The following STK32B variants were observed in gnomAD, a reference collection of about 807,000 sequenced individuals.
The protein encoded by STK32B is serine/threonine kinase 32B.
A neutral mutation model predicts 52.6 loss-of-function variants in STK32B; 43 were observed. That is an observed-to-expected ratio of 0.82 (90% CI 0.64 to 1.05). The LOEUF (loss-of-function observed/expected upper bound fraction) is 1.05. Ranked by LOEUF, STK32B falls within the 50% of genes least tolerant of loss-of-function variation. STK32B has a pLI of 0.00. For missense variants in STK32B, 621 were observed against 534.6 expected, an observed-to-expected ratio of 1.16 and a Z score of -1.59; for synonymous variants, 238 against 204.3, an observed-to-expected ratio of 1.17 and a Z score of -1.41.
In STK32B at chr4:5,378,191, G is replaced by A. The variant is rs956106152; in HGVS notation, c.435-20016G>A. Among the ~76,000 whole-genome samples, 4 of 152,250 alleles carry A rather than the reference G, an allele frequency of 2.6e-5. No homozygotes were observed. The highest frequency in any genetic ancestry group is 7.2e-5 in the African/African-American group (3 of 41,546). ...GTTCATTCATGTCCAGTCCAGTAGC[G>A]CCCACTGGTGACAGCAGGCACTTTA... On this transcript the variant is annotated intron_variant, in intron 4 of 11. Transcript: ENST00000282908. The surrounding 1 kb of genome is among the most constrained non-coding windows in gnomAD (Gnocchi z 4.4).
At chr4:5,114,340 C>G (rs138748601) in intron 1 of STK32B, among the ~76,000 whole-genome samples, 3 of 151,996 alleles carry the variant, frequency 2.0e-5, no homozygotes, top group Non-Finnish European at 4.4e-5. Context: ...TTCAAAGGAA[C>G]CTTCCTGGAC....
chr4:5,099,892 G>T (rs985106576), intron 1 of STK32B, among the ~76,000 whole-genome samples: 9 of 152,070 alleles, frequency 5.9e-5, no homozygotes, highest in African/African-American at 2.2e-4. Context: ...TGTCCTGCAG[G>T]AACCTGAGCC....
chr4:5,261,747 T>G (rs2108845436), intron 3 of STK32B, among the ~76,000 whole-genome samples: 1 of 152,286 alleles, frequency 6.6e-6, no homozygotes. Flanking sequence ...TTATTATTAT[T>G]GTTATTATTA....
intron 2 of STK32B, among the ~76,000 whole-genome samples, chr4:5,145,286 A>T (rs993916111): frequency 6.6e-6 from 1 of 152,224 alleles, no homozygotes; most frequent in Non-Finnish European, 1.5e-5. Context: ...GATGCATTTT[A>T]TAGCAAATTG....
At chr4:5,159,918 C>T (rs1014333469) in intron 2 of STK32B, among the ~76,000 whole-genome samples, 2 of 151,804 alleles carry the variant, frequency 1.3e-5, no homozygotes, top group African/African-American at 2.4e-5. Flanking sequence ...AGCTGAGCTG[C>T]AGATCAAGTC....
chr4:5,020,854 A>T, the STK32B span, among the ~76,000 whole-genome samples: 3 of 152,228 alleles, frequency 2.0e-5, no homozygotes, highest in Non-Finnish European at 2.9e-5. Context: ...GAATGGGGTT[A>T]TTCCCAATTC....
At chr4:5,451,647 G>A (rs1483832484) in intron 7 of STK32B, among the ~76,000 whole-genome samples, 1 of 152,134 alleles carries the variant, frequency 6.6e-6, no homozygotes, top group Non-Finnish European at 1.5e-5. Flanking sequence ...GACATTTGAG[G>A]CCAGATGATT....
chr4:5,448,175 C>G (rs1025809687), intron 7 of STK32B, among the ~76,000 whole-genome samples: 1 of 152,158 alleles, frequency 6.6e-6, no homozygotes, highest in Admixed American at 6.5e-5. Flanking sequence ...AGTTATTTCC[C>G]CTGAATTCCT....
intron 3 of STK32B, among the ~76,000 whole-genome samples, chr4:5,308,576 T>C (rs6446351): frequency 0.13 from 19,484 of 152,216 alleles, 2,707 homozygotes; most frequent in African/African-American, 0.35. Flanking sequence ...GTTAGCGTCA[T>C]TCATTTAGTC....
At chr4:5,468,282 C>G (rs1717597374) in intron 11 of STK32B, among the ~76,000 whole-genome samples, 1 of 152,198 alleles carries the variant, frequency 6.6e-6, no homozygotes, top group Non-Finnish European at 1.5e-5. Context: ...GTGGCCTGAG[C>G]CAGTCTCTGG....
intron 1 of STK32B, among the ~76,000 whole-genome samples, chr4:5,090,729 A>C (rs4444766): frequency 6.6e-6 from 1 of 152,080 alleles, no homozygotes; most frequent in Non-Finnish European, 1.5e-5. Context: ...AATTTTCTGC[A>C]TATGGCTAGC....
At chr4:5,339,585 A>G (rs926610032) in intron 4 of STK32B, among the ~76,000 whole-genome samples, 2 of 152,194 alleles carry the variant, frequency 1.3e-5, no homozygotes, top group African/African-American at 2.4e-5. Context: ...GACACTTTCA[A>G]TGCCGTATTT....
intron 1 of STK32B, among the ~76,000 whole-genome samples, chr4:5,077,709 G>C (rs12501514): frequency 0.19 from 29,282 of 151,960 alleles, 3,360 homozygotes; most frequent in East Asian, 0.46. Context: ...GCAATCCATA[G>C]CAAAGAGGCT....
chr4:5,149,584 T>C lies in STK32B; in HGVS notation c.108+9624T>C, dbSNP rs75231987. On this transcript the variant is annotated intron_variant, in intron 2 of 11. Transcript: ENST00000282908. ...TGCTGAGGGTTGATATTTTACACTTTACATAAAATGTGAAAACCTTACAAC... is the reference window on the plus strand; with the variant it reads ...TGCTGAGGGTTGATATTTTACACTTCACATAAAATGTGAAAACCTTACAAC... Among the ~76,000 whole-genome samples, 717 of 152,040 alleles carry C rather than the reference T, an allele frequency of 4.7e-3. 11 individuals carry two copies. The highest frequency in any genetic ancestry group is 0.016 in the African/African-American group (679 of 41,568).
intron 11 of STK32B, among the ~76,000 whole-genome samples, chr4:5,498,686 AATT>A (rs1201774916): frequency 1.3e-5 from 2 of 152,220 alleles, no homozygotes; most frequent in African/African-American, 4.8e-5. Flanking sequence ...ACAAGATGGG[AATT>A]ATTATCTCCA....
chr4:5,163,608 G>A (rs1056706852), intron 2 of STK32B, among the ~76,000 whole-genome samples: 20 of 151,288 alleles, frequency 1.3e-4, no homozygotes, highest in African/African-American at 4.6e-4. Context: ...TGTTGGAGGG[G>A]ACAAGGTCTT....
At chr4:5,179,143 G>C (rs931855786) in intron 3 of STK32B, among the ~76,000 whole-genome samples, 1 of 152,250 alleles carries the variant, frequency 6.6e-6, no homozygotes, top group African/African-American at 2.4e-5. Context: ...AGGCAAAGGA[G>C]AAGCAGCCAC....
At position 5,469,880 on chromosome 4, in the gene STK32B, A is replaced by T. The variant is rs904861154; in HGVS notation, c.1106+1810A>T. Among the ~76,000 whole-genome samples the T allele has an allele frequency of 2.6e-5, 4 of 152,182 alleles. No homozygotes were observed. Among genetic ancestry groups the T allele is most frequent in the Admixed American group, 2.6e-4 (4 of 15,280 alleles). On this transcript the variant is annotated intron_variant, in intron 11 of 11. Coordinates refer to ENST00000282908, the MANE Select transcript of STK32B (RefSeq NM_018401.3). The surrounding 1 kb of genome is among the most constrained non-coding windows in gnomAD (Gnocchi z 4.7). ...TGTGGTCCTGCCTGCTCTGAGGCTC[A>T]TGGCCCTTCCCCCAGACTTAGAAAC...
chr4:5,204,353 CAG>C (rs1722393258), intron 3 of STK32B: 1 of 152,818 alleles, frequency 6.5e-6, no homozygotes, highest in Non-Finnish European at 1.5e-5. Context: ...TCTGGGGTCA[CAG>C]AACATGTGAG....
Sources: gnomAD v4.1 joint callset for allele counts (sites outside exome capture counted in the v4.1 genomes callset) on GRCh38, gnomAD v4.1.1 for gene constraint, Gnocchi (gnomAD v3.1) non-coding constraint, MANE v1.5 for transcripts, NCBI Gene and HGNC (gene_info 2026-07-23, HGNC 2026-07-21) for gene names.